Variants in SLC35F2 observed in about 807,000 individuals in gnomAD.
The protein encoded by SLC35F2 is queuine/queuosine transporter SLC35F2.
In SLC35F2, 25 loss-of-function variants were observed where a neutral mutation model predicts 38.1. The observed-to-expected ratio is 0.66, with a 90% CI of 0.48 to 0.92. SLC35F2 has a LOEUF of 0.92. Ranked by LOEUF, SLC35F2 falls within the 40% of genes least tolerant of loss-of-function variation. SLC35F2 has a pLI of 0.00. For synonymous variants in SLC35F2, 173 were observed against 181.7 expected, an observed-to-expected ratio of 0.95 and a Z score of 0.38; for missense variants, 409 against 452.9, an observed-to-expected ratio of 0.90 and a Z score of 0.88.
intron 1 of SLC35F2, among the ~76,000 whole-genome samples, chr11:107,852,545 C>T (rs1016194357): frequency 4.8e-4 from 53 of 110,984 alleles, no homozygotes; most frequent in Admixed American, 1.4e-3. Context: ...TGCGAGACTC[C>T]ACCTCAAAAA....
At chr11:107,841,016 C>T (rs764809674) in intron 1 of SLC35F2, among the ~76,000 whole-genome samples, 5 of 152,116 alleles carry the variant, frequency 3.3e-5, no homozygotes, top group Non-Finnish European at 7.4e-5. Flanking sequence ...AACTGTCATA[C>T]GCCTCCCTTA....
chr11:107,843,529 A>G (rs2134847354), intron 1 of SLC35F2, among the ~76,000 whole-genome samples: 1 of 150,406 alleles, frequency 6.6e-6, no homozygotes, highest in East Asian at 2.0e-4. Context: ...CAGCCTGGGC[A>G]ACAAAAGCGA....
At chr11:107,848,761 G>A (rs900696254) in intron 1 of SLC35F2, among the ~76,000 whole-genome samples, 1 of 152,126 alleles carries the variant, frequency 6.6e-6, no homozygotes, top group Non-Finnish European at 1.5e-5. Context: ...AGCACACCCT[G>A]GTGGGTGCCA....
rs987031294 is a variant in SLC35F2, at chr11:107,805,374, A to C, written c.716T>G (p.Ile239Ser). The change falls in exon 5 of 8, where the codon ATC becomes AGC. Residue 239 changes from isoleucine to serine, a missense_variant. Transcript: ENST00000525815. ...AGAATCTTACAGCTGTATACCACTG[A>C]TAATTGTTCCAAACAGGCCCACCAT... Reference protein sequence around the residue: ...LGMVGLFGTIISGIQLLIVEY... With the variant: ...LGMVGLFGTISSGIQLLIVEY... 3.1e-6 allele frequency: 5 copies of C among 1,613,740 alleles called. No homozygotes were observed. In the Admixed American group the frequency reaches 6.7e-5, roughly 22 times the overall value.
intron 1 of SLC35F2, among the ~76,000 whole-genome samples, chr11:107,839,716 C>T (rs1184089984): frequency 1.3e-5 from 2 of 152,230 alleles, no homozygotes; most frequent in East Asian, 3.9e-4. Context: ...TGCAATGGTG[C>T]GATCTCGGCT....
At chr11:107,853,669 G>A (rs1405898272) in intron 1 of SLC35F2, among the ~76,000 whole-genome samples, 1 of 138,758 alleles carries the variant, frequency 7.2e-6, no homozygotes, top group South Asian at 2.2e-4. Context: ...GCAGTGAGCC[G>A]AGATCGCGCC....
chr11:107,824,726 C>T (rs1007079214), intron 1 of SLC35F2, among the ~76,000 whole-genome samples: 2 of 152,172 alleles, frequency 1.3e-5, no homozygotes, highest in Admixed American at 1.3e-4. Context: ...TATAAAAGTA[C>T]CTAGCACATC....
chr11:107,812,186 G>A (rs1458724878), intron 2 of SLC35F2, among the ~76,000 whole-genome samples: 2 of 152,172 alleles, frequency 1.3e-5, no homozygotes, highest in Admixed American at 6.5e-5. Context: ...GATTTCAGGC[G>A]TGAGCTACCA....
chr11:107,797,505 T>C (rs1258910157), intron 7 of SLC35F2, among the ~76,000 whole-genome samples: 3 of 151,852 alleles, frequency 2.0e-5, no homozygotes, highest in South Asian at 2.1e-4. Flanking sequence ...CTGGGCAACA[T>C]AGTGAGACCC....
chr11:107,823,193 T>C (rs756006427), intron 1 of SLC35F2: 28 of 985,230 alleles, frequency 2.8e-5, no homozygotes, highest in Non-Finnish European at 3.4e-5. Flanking sequence ...ATCAGCCTAT[T>C]TTAAGTCTCC....
intron 1 of SLC35F2, among the ~76,000 whole-genome samples, chr11:107,828,101 T>G (rs2134818522): frequency 6.6e-6 from 1 of 152,290 alleles, no homozygotes; most frequent in Non-Finnish European, 1.5e-5. Context: ...GAAGAATAAC[T>G]GCAATGGACT....
At chr11:107,827,082 T>C (rs555867554) in intron 1 of SLC35F2, among the ~76,000 whole-genome samples, 17 of 152,212 alleles carry the variant, frequency 1.1e-4, no homozygotes, top group South Asian at 4.2e-4. Context: ...TTGGGATATA[T>C]AGAAAAAAGA....
chr11:107,792,542 C>T lies in SLC35F2; in HGVS notation c.*73G>A. 1.3e-6 allele frequency: 2 copies of T among 1,495,542 alleles called. No individual in the cohort carries two copies. The highest frequency in any genetic ancestry group is 1.8e-6 in the Non-Finnish European group (2 of 1,117,086). 92.6% of individuals were successfully genotyped at this position (1,495,542 alleles called of 1,614,324 possible). ...AGTGTCCATTCTGAGTCTGCTATTT[C>T]CCCAAGTGTCCCCTCAGCAGGCAGC... On this transcript the variant is annotated 3_prime_UTR_variant, in exon 8 of 8. Transcript: ENST00000525815.
chr11:107,810,458 G>C (rs1023703732), intron 3 of SLC35F2: 10 of 983,626 alleles, frequency 1.0e-5, no homozygotes, highest in Non-Finnish European at 1.2e-5. Flanking sequence ...GTGAGATTAT[G>C]AGAGTAGATG....
At chr11:107,798,550 G>C (rs560090699) in intron 7 of SLC35F2, among the ~76,000 whole-genome samples, 389 of 152,200 alleles carry the variant, frequency 2.6e-3, no homozygotes, top group Middle Eastern at 0.01. Context: ...TCTTTGTCTT[G>C]TAAAATTCTT....
chr11:107,824,999 G>A (rs1054304382), intron 1 of SLC35F2, among the ~76,000 whole-genome samples: 3 of 152,132 alleles, frequency 2.0e-5, no homozygotes, highest in Non-Finnish European at 4.4e-5. Flanking sequence ...ATGTAATTTC[G>A]TTTCAACTTA....
At chr11:107,834,280 TAGCG>T (rs1278462417) in intron 1 of SLC35F2, among the ~76,000 whole-genome samples, 1 of 152,078 alleles carries the variant, frequency 6.6e-6, no homozygotes, top group East Asian at 1.9e-4. Context: ...AAATTTAAAG[TAGCG>T]AGTTAGAGTA....
intron 3 of SLC35F2, among the ~76,000 whole-genome samples, chr11:107,807,143 A>G (rs886939533): frequency 6.6e-6 from 1 of 151,990 alleles, no homozygotes; most frequent in Non-Finnish European, 1.5e-5. Context: ...ATAGTTAAAA[A>G]TGGGATGACA....
intron 6 of SLC35F2, among the ~76,000 whole-genome samples, chr11:107,803,741 C>T (rs1859352082): frequency 6.7e-6 from 1 of 149,250 alleles, no homozygotes; most frequent in Non-Finnish European, 1.5e-5. Context: ...AGTATCTCTG[C>T]TTTGCAACTA....
Sources: gnomAD v4.1 joint callset for allele counts (sites outside exome capture counted in the v4.1 genomes callset) on GRCh38, gnomAD v4.1.1 for gene constraint, MANE v1.5 for transcripts, NCBI Gene and HGNC (gene_info 2026-07-23, HGNC 2026-07-21) for gene names.